The following FRK variants were observed in gnomAD, a reference collection of about 807,000 sequenced individuals.
The protein encoded by FRK is tyrosine-protein kinase FRK.
In FRK, 51 loss-of-function variants were observed where a neutral mutation model predicts 56.4. That is an observed-to-expected ratio of 0.90 (90% CI 0.72 to 1.14). The LOEUF (loss-of-function observed/expected upper bound fraction) is 1.14, where lower values mean the gene tolerates loss of function less well. FRK is among the 50% of genes most tolerant of loss of function. The pLI is 0.00. For synonymous variants in FRK, 245 were observed against 217.9 expected, an observed-to-expected ratio of 1.12 and a Z score of -1.10; for missense variants, 570 against 601.4, an observed-to-expected ratio of 0.95 and a Z score of 0.55.
intron 5 of FRK, among the ~76,000 whole-genome samples, chr6:115,950,387 AAAG>A (rs1474088967): frequency 6.6e-6 from 1 of 152,246 alleles, no homozygotes; most frequent in East Asian, 1.9e-4. Context: ...ACACTTTTCA[AAAG>A]AAGACATTCA....
rs17077466 is a variant in FRK, at chr6:115,985,468, A to C, written c.467-16729T>G. Among the ~76,000 whole-genome samples, 460 of 152,256 alleles carry C rather than the reference A, an allele frequency of 3.0e-3. 5 individuals carry two copies. The highest frequency in any genetic ancestry group is 0.028 in the East Asian group (143 of 5,180). Reference sequence around the variant, plus strand: ...TGAGATCTCAATCTTATATTTCTGTACTAGAGTTTGCAAAGAATTTTCACA... The same window carrying C: ...TGAGATCTCAATCTTATATTTCTGTCCTAGAGTTTGCAAAGAATTTTCACA... On this transcript the variant is annotated intron_variant, in intron 2 of 7. Coordinates refer to ENST00000606080, the MANE Select transcript of FRK (RefSeq NM_002031.3).
At chr6:115,943,384 A>G (rs1401528777) in intron 6 of FRK, among the ~76,000 whole-genome samples, 199 bp from the exon 7 acceptor site, 2 of 151,626 alleles carry the variant, frequency 1.3e-5, no homozygotes, top group Non-Finnish European at 2.9e-5. Context: ...TTAATAAAAT[A>G]TTATTTAAGA....
chr6:116,065,041 A>T (rs1326732486), upstream of FRK, among the ~76,000 whole-genome samples: 2 of 152,094 alleles, frequency 1.3e-5, no homozygotes, highest in Non-Finnish European at 2.9e-5. Context: ...TCTGAATAAA[A>T]ATCCCTCACC....
chr6:116,082,017 G>A, the FRK span, among the ~76,000 whole-genome samples: 78 of 152,250 alleles, frequency 5.1e-4, no homozygotes, highest in African/African-American at 1.8e-3. Context: ...TGGTGTGTGG[G>A]AAATTTGAAA....
At chr6:115,994,324 T>TC (rs769721283) in intron 2 of FRK, among the ~76,000 whole-genome samples, 1,077 of 33,824 alleles carry the variant, frequency 0.032, 66 homozygotes, top group African/African-American at 0.084. Context: ...TCTCACAACC[T>TC]CCCCCCCCCC....
chr6:116,057,443 G>A (rs1777442552), intron 1 of FRK, among the ~76,000 whole-genome samples: 2 of 152,184 alleles, frequency 1.3e-5, no homozygotes, highest in South Asian at 4.1e-4. Flanking sequence ...AGATGGAGGG[G>A]AATTCTAGAA....
intron 1 of FRK, among the ~76,000 whole-genome samples, chr6:116,046,526 C>G (rs2114803193): frequency 6.6e-6 from 1 of 152,162 alleles, no homozygotes; most frequent in South Asian, 2.1e-4. Flanking sequence ...CAAACTAACA[C>G]AAGAACAGAA....
intron 5 of FRK, among the ~76,000 whole-genome samples, chr6:115,953,964 C>T (rs1772890270): frequency 6.6e-6 from 1 of 151,990 alleles, no homozygotes; most frequent in African/African-American, 2.4e-5. Context: ...GTATAAGATG[C>T]TTAACAGCCA....
intron 5 of FRK, among the ~76,000 whole-genome samples, chr6:115,952,044 T>G (rs1772775999): frequency 6.6e-6 from 1 of 152,156 alleles, no homozygotes; most frequent in Non-Finnish European, 1.5e-5. Flanking sequence ...GTTTTTTTCT[T>G]GTAAATTTGT....
intron 1 of FRK, among the ~76,000 whole-genome samples, chr6:116,010,433 A>C (rs369554487): frequency 6.6e-6 from 1 of 152,244 alleles, no homozygotes; most frequent in African/African-American, 2.4e-5. Flanking sequence ...ACAAAAATTT[A>C]CATGTTGTAA....
intron 2 of FRK, among the ~76,000 whole-genome samples, chr6:115,986,777 T>C (rs1674568970): frequency 6.6e-6 from 1 of 152,086 alleles, no homozygotes; most frequent in African/African-American, 2.4e-5. Flanking sequence ...AATCTGAAAA[T>C]TCTAGAGACT....
chr6:116,035,651 T>A (rs773878701), intron 1 of FRK, among the ~76,000 whole-genome samples: 1 of 152,150 alleles, frequency 6.6e-6, no homozygotes, highest in Non-Finnish European at 1.5e-5. Flanking sequence ...AGGAAAATTG[T>A]CATACGCTGT....
At chr6:116,053,201 A>G (rs1777243569) in intron 1 of FRK, among the ~76,000 whole-genome samples, 1 of 152,100 alleles carries the variant, frequency 6.6e-6, no homozygotes, top group Non-Finnish European at 1.5e-5. Context: ...AACTCCATAC[A>G]CTAATGTTTG....
intron 1 of FRK, among the ~76,000 whole-genome samples, chr6:116,037,292 T>C (rs930207003): frequency 6.6e-6 from 1 of 152,200 alleles, no homozygotes; most frequent in Non-Finnish European, 1.5e-5. Flanking sequence ...ACAACAGGTG[T>C]TCGTATTTTT....
At chr6:115,947,777 T>C (rs935352277) in intron 5 of FRK, among the ~76,000 whole-genome samples, 3 of 152,176 alleles carry the variant, frequency 2.0e-5, no homozygotes, top group South Asian at 2.1e-4. Context: ...TAAAACAAGA[T>C]GTAAGCATGA....
intron 4 of FRK, among the ~76,000 whole-genome samples, chr6:115,966,019 G>A (rs1475676456): frequency 9.0e-6 from 1 of 110,816 alleles, no homozygotes; most frequent in East Asian, 2.8e-4. Flanking sequence ...CCTGCACAAT[G>A]TGCACATGTA....
the FRK span, among the ~76,000 whole-genome samples, chr6:116,084,695 C>T: frequency 6.6e-6 from 1 of 152,094 alleles, no homozygotes; most frequent in African/African-American, 2.4e-5. Flanking sequence ...TGGAGAGAAA[C>T]AGATTCTTTG....
At chr6:116,093,944 C>A in the FRK span, among the ~76,000 whole-genome samples, 1 of 152,132 alleles carries the variant, frequency 6.6e-6, no homozygotes, top group Non-Finnish European at 1.5e-5. Flanking sequence ...AACCTGGCAA[C>A]CTCAGTGTTC....
the FRK span, among the ~76,000 whole-genome samples, chr6:116,091,502 G>C: frequency 2.6e-5 from 4 of 152,250 alleles, no homozygotes; most frequent in East Asian, 3.9e-4. Context: ...GAAGGTCCGA[G>C]GCTTCATTCT....
Sources: gnomAD v4.1 joint callset for allele counts (sites outside exome capture counted in the v4.1 genomes callset) on GRCh38, gnomAD v4.1.1 for gene constraint, MANE v1.5 for transcripts, NCBI Gene and HGNC (gene_info 2026-07-23, HGNC 2026-07-21) for gene names.